SDK1: variants seen among roughly 807,000 people sequenced by gnomAD.
The protein encoded by SDK1 is protein sidekick-1.
SDK1 carries 157 observed loss-of-function variants against 245.5 expected under a neutral mutation model. The observed-to-expected ratio is 0.64, with a 90% CI of 0.56 to 0.73. SDK1 has a LOEUF of 0.73. Ranked by LOEUF, SDK1 falls within the 30% of genes least tolerant of loss-of-function variation. The probability of loss-of-function intolerance (pLI) is 0.00; values close to 1 mark genes in which losing one functional copy is unlikely to be tolerated. For synonymous variants in SDK1, 1,647 were observed against 1,278.5 expected, an observed-to-expected ratio of 1.29 and a Z score of -6.15; for missense variants, 3,583 against 3,002.3, an observed-to-expected ratio of 1.19 and a Z score of -4.52.
chr7:3,610,798 A>G (rs1317381348), intron 1 of SDK1, among the ~76,000 whole-genome samples: 4 of 152,244 alleles, frequency 2.6e-5, no homozygotes, highest in Non-Finnish European at 5.9e-5. Flanking sequence ...GGCTGACTGC[A>G]TAGGCAAACT....
At chr7:4,161,300 T>G (rs147570731) in intron 31 of SDK1, among the ~76,000 whole-genome samples, 42 of 152,296 alleles carry the variant, frequency 2.8e-4, no homozygotes, top group African/African-American at 9.4e-4. Context: ...CCCAGCCAGC[T>G]GCAACCTCAC....
chr7:4,221,034 A>G, intron 39 of SDK1, among the ~76,000 whole-genome samples: 1 of 152,068 alleles, frequency 6.6e-6, no homozygotes, highest in Non-Finnish European at 1.5e-5. Flanking sequence ...TCAGCCTCCC[A>G]AAGTGGCTTT....
rs1290795727 is a variant in SDK1 at position 3,325,298 on chromosome 7, A to G, written c.298+23414A>G. ...TGTTTTATAGTAATCCTAACCTTTAATATATAAGATCCTAACCTTTATATT... is the reference window on the plus strand; with the variant it reads ...TGTTTTATAGTAATCCTAACCTTTAGTATATAAGATCCTAACCTTTATATT... On this transcript the variant is annotated intron_variant, in intron 1 of 44. Transcript: ENST00000404826. Among the ~76,000 whole-genome samples, 3 of 152,122 alleles carry G rather than the reference A, an allele frequency of 2.0e-5. No homozygotes were observed. In the East Asian group the frequency reaches 5.8e-4, roughly 29 times the overall value.
intron 5 of SDK1, among the ~76,000 whole-genome samples, chr7:3,827,661 G>A (rs1562473734): frequency 6.6e-6 from 1 of 152,224 alleles, no homozygotes; most frequent in Non-Finnish European, 1.5e-5. Context: ...TTCTCAGGAC[G>A]GAAGAGATTT....
chr7:3,490,840 C>G (rs1416217200), intron 1 of SDK1, among the ~76,000 whole-genome samples: 1 of 152,156 alleles, frequency 6.6e-6, no homozygotes, highest in Non-Finnish European at 1.5e-5. Context: ...TATACTCTCC[C>G]TTTTCTTGGG....
intron 5 of SDK1, among the ~76,000 whole-genome samples, chr7:3,858,401 C>T (rs1780599938): frequency 6.6e-6 from 1 of 151,642 alleles, no homozygotes; most frequent in Non-Finnish European, 1.5e-5. Flanking sequence ...AACAAAACTG[C>T]AAAACAATAC....
intron 1 of SDK1, among the ~76,000 whole-genome samples, chr7:3,331,987 G>T (rs997911810): frequency 1.3e-5 from 2 of 152,122 alleles, no homozygotes; most frequent in African/African-American, 2.4e-5. Flanking sequence ...TTCAATTTCA[G>T]AATGTAACTT....
chr7:3,558,614 G>A (rs982948092), intron 1 of SDK1, among the ~76,000 whole-genome samples: 86 of 152,320 alleles, frequency 5.6e-4, no homozygotes, highest in African/African-American at 2.0e-3. Flanking sequence ...CTGGGAGGGG[G>A]CAGAGGGGCA....
intron 1 of SDK1, among the ~76,000 whole-genome samples, chr7:3,482,218 A>G (rs1262437757): frequency 6.6e-6 from 1 of 152,208 alleles, no homozygotes; most frequent in Non-Finnish European, 1.5e-5. Context: ...ACAATTAAAA[A>G]TATTAGAGGA....
intron 40 of SDK1, among the ~76,000 whole-genome samples, chr7:4,227,576 C>A (rs78383393): frequency 2.5e-3 from 379 of 152,344 alleles, no homozygotes; most frequent in African/African-American, 8.8e-3. Flanking sequence ...TTGCTCTGAG[C>A]TGCAGACTGA....
intron 4 of SDK1, among the ~76,000 whole-genome samples, chr7:3,747,711 G>C (rs890514000): frequency 6.6e-6 from 1 of 152,120 alleles, no homozygotes; most frequent in Non-Finnish European, 1.5e-5. Flanking sequence ...GTGTGTGTGT[G>C]TGTGTGTATG....
chr7:4,060,161 G>A (rs78352436), intron 19 of SDK1, among the ~76,000 whole-genome samples: 14 of 152,132 alleles, frequency 9.2e-5, no homozygotes, highest in Non-Finnish European at 1.0e-4. Context: ...GATTACAGGC[G>A]TGAGCCACCA....
chr7:3,514,385 A>G (rs985917594), intron 1 of SDK1, among the ~76,000 whole-genome samples: 1 of 152,232 alleles, frequency 6.6e-6, no homozygotes, highest in Non-Finnish European at 1.5e-5. Flanking sequence ...GATAATTTAC[A>G]TATCAGTTGA....
chr7:4,157,888 G>C (rs1461748668), intron 30 of SDK1, among the ~76,000 whole-genome samples: 1 of 152,154 alleles, frequency 6.6e-6, no homozygotes, highest in Non-Finnish European at 1.5e-5. Context: ...GCCAGGAAGT[G>C]GACCTTAGAG....
intron 5 of SDK1, among the ~76,000 whole-genome samples, chr7:3,829,161 C>A (rs557426943): frequency 1.3e-5 from 2 of 152,128 alleles, no homozygotes; most frequent in East Asian, 3.9e-4. Context: ...TTAAACTATA[C>A]CAGAAATTAT....
chr7:3,763,304 G>T (rs544179362), intron 4 of SDK1, among the ~76,000 whole-genome samples: 154 of 152,084 alleles, frequency 1.0e-3, no homozygotes, highest in African/African-American at 3.7e-3. Context: ...AAATACAGAA[G>T]TCTTAAGCAT....
At chr7:3,705,888 A>C (rs1784873239) in intron 4 of SDK1, among the ~76,000 whole-genome samples, 1 of 152,134 alleles carries the variant, frequency 6.6e-6, no homozygotes, top group Non-Finnish European at 1.5e-5. Context: ...TGCAACTGTC[A>C]TGATGTTGGA....
chr7:3,693,107 A>G (rs1290052220), intron 4 of SDK1, among the ~76,000 whole-genome samples: 2 of 152,036 alleles, frequency 1.3e-5, no homozygotes, highest in African/African-American at 4.8e-5. Context: ...CTTATGTAAT[A>G]GTGTAGACAT....
At chr7:3,734,681 G>A (rs1779270397) in intron 4 of SDK1, among the ~76,000 whole-genome samples, 1 of 152,202 alleles carries the variant, frequency 6.6e-6, no homozygotes, top group African/African-American at 2.4e-5. Context: ...GAGGAAGGCT[G>A]CAGGCCAAAT....
Sources: gnomAD v4.1 joint callset for allele counts (sites outside exome capture counted in the v4.1 genomes callset) on GRCh38, gnomAD v4.1.1 for gene constraint, MANE v1.5 for transcripts, NCBI Gene and HGNC (gene_info 2026-07-23, HGNC 2026-07-21) for gene names.